Variants in DPP10 observed in about 807,000 individuals in gnomAD.
The protein encoded by DPP10 is inactive dipeptidyl peptidase 10.
Under a neutral mutation model 120.9 loss-of-function variants are expected in DPP10, and 33 were observed. That is an observed-to-expected ratio of 0.27 (90% CI 0.21 to 0.37). The LOEUF (loss-of-function observed/expected upper bound fraction) is 0.37, where lower values mean the gene tolerates loss of function less well. DPP10 is among the 10% of genes least tolerant of loss of function. The pLI is 1.00. For missense variants in DPP10, 816 were observed against 942.8 expected, an observed-to-expected ratio of 0.87 and a Z score of 1.76; for synonymous variants, 337 against 326.1, an observed-to-expected ratio of 1.03 and a Z score of -0.36.
intron 19 of DPP10, among the ~76,000 whole-genome samples, chr2:115,806,780 A>T (rs62156339): frequency 0.081 from 12,241 of 151,868 alleles, 654 homozygotes; most frequent in Non-Finnish European, 0.12. Flanking sequence ...TGTTGTGGAG[A>T]TTGTCACCTG....
chr2:114,921,993 C>G (rs912276410), intron 1 of DPP10, among the ~76,000 whole-genome samples: 4 of 152,176 alleles, frequency 2.6e-5, no homozygotes. Flanking sequence ...ATTATGTCAT[C>G]TATTTTGCAA....
At chr2:115,526,693 A>G (rs1330821866) in intron 5 of DPP10, among the ~76,000 whole-genome samples, 1 of 152,118 alleles carries the variant, frequency 6.6e-6, no homozygotes, top group Non-Finnish European at 1.5e-5. Flanking sequence ...GACGTTTATG[A>G]GCTTTAAGAC....
chr2:115,503,348 G>T (rs563210457), intron 4 of DPP10, among the ~76,000 whole-genome samples: 1 of 152,090 alleles, frequency 6.6e-6, no homozygotes, highest in Admixed American at 6.6e-5. Context: ...TTTATTTGTT[G>T]TGCTGTTGGG....
At chr2:114,896,510 G>T (rs1342255622) in intron 1 of DPP10, among the ~76,000 whole-genome samples, 1 of 151,514 alleles carries the variant, frequency 6.6e-6, no homozygotes, top group Non-Finnish European at 1.5e-5. Flanking sequence ...GTGAATGGGA[G>T]TTCACTCATG....
At chr2:115,282,284 T>TA (rs1257681501) in intron 1 of DPP10, among the ~76,000 whole-genome samples, 3 of 152,120 alleles carry the variant, frequency 2.0e-5, no homozygotes, top group Non-Finnish European at 4.4e-5. Flanking sequence ...ATTTTATAAT[T>TA]AACTATTACA....
intron 1 of DPP10, among the ~76,000 whole-genome samples, chr2:114,531,973 C>A (rs10164733): frequency 0.018 from 2,733 of 151,954 alleles, 32 homozygotes; most frequent in Middle Eastern, 0.065. Flanking sequence ...TAGGCGTCAT[C>A]TAATCCACTG....
intron 3 of DPP10, among the ~76,000 whole-genome samples, chr2:115,437,508 G>A (rs1342941346): frequency 6.6e-6 from 1 of 151,954 alleles, no homozygotes; most frequent in Non-Finnish European, 1.5e-5. Flanking sequence ...AGTTAAGTGT[G>A]TTACTCAATG....
intron 1 of DPP10, among the ~76,000 whole-genome samples, chr2:115,011,611 A>G (rs536614805): frequency 9.9e-5 from 15 of 150,954 alleles, no homozygotes; most frequent in African/African-American, 3.2e-4. Context: ...ATTTTTTTTT[A>G]TTTCTTTAAT....
At chr2:114,614,547 A>T (rs1201651465) in intron 1 of DPP10, among the ~76,000 whole-genome samples, 1 of 152,182 alleles carries the variant, frequency 6.6e-6, no homozygotes, top group Non-Finnish European at 1.5e-5. Flanking sequence ...ACATCTAATT[A>T]ACCTTTAATT....
chr2:115,220,116 T>C (rs1286482096), intron 1 of DPP10, among the ~76,000 whole-genome samples: 4 of 152,182 alleles, frequency 2.6e-5, no homozygotes, highest in Non-Finnish European at 5.9e-5. Context: ...CAGAACCTTT[T>C]ACATGGGGAG....
chr2:114,526,467 G>A (rs115190409), intron 1 of DPP10, among the ~76,000 whole-genome samples: 1,884 of 152,206 alleles, frequency 0.012, 35 homozygotes, highest in African/African-American at 0.043. Context: ...ATCTGGAAAA[G>A]GTATGGTAAT....
At chr2:114,790,795 G>A (rs1157682400) in intron 1 of DPP10, among the ~76,000 whole-genome samples, 1 of 152,184 alleles carries the variant, frequency 6.6e-6, no homozygotes. Context: ...GTGGTGGAAT[G>A]TCATCAGTTA....
intron 1 of DPP10, among the ~76,000 whole-genome samples, chr2:114,912,397 C>G (rs72832460): frequency 0.043 from 6,575 of 152,106 alleles, 221 homozygotes; most frequent in African/African-American, 0.087. Context: ...GTGAAGTTTG[C>G]TATGAATAAT....
rs573310991 is a variant in DPP10 at position 115,664,861 on chromosome 2, G to A, written c.442-24826G>A. ...CTAAGCTTTTGCTGTTCAACACATC[G>A]CCACTAGTCACATGTGGCCATTCAT... On this transcript the variant is annotated intron_variant, in intron 5 of 25. Transcript: ENST00000410059. Among the ~76,000 whole-genome samples the A allele has an allele frequency of 3.8e-5, 5 of 130,718 alleles. 1 individual carries two copies. The highest frequency in any genetic ancestry group is 7.5e-5 in the Admixed American group (1 of 13,404). The allele number at this position is 130,718 out of a possible 152,430, so 85.8% of individuals were successfully genotyped here. A position where few individuals can be genotyped will look rare whatever the true frequency, so the allele number is the denominator to read the frequency against.
chr2:114,529,802 G>A (rs558612041), intron 1 of DPP10, among the ~76,000 whole-genome samples: 2 of 152,228 alleles, frequency 1.3e-5, no homozygotes, highest in Admixed American at 1.3e-4. Context: ...ATTAAGCCTA[G>A]TGTCCATTAG....
intron 1 of DPP10, among the ~76,000 whole-genome samples, chr2:114,648,698 T>C (rs532144483): frequency 4.2e-4 from 64 of 152,200 alleles, no homozygotes; most frequent in Non-Finnish European, 7.6e-4. Flanking sequence ...GATCAATAGG[T>C]AGGTATAAGA....
chr2:115,515,890 G>C (rs930629883), intron 4 of DPP10, among the ~76,000 whole-genome samples: 3 of 152,000 alleles, frequency 2.0e-5, no homozygotes, highest in African/African-American at 7.2e-5. Flanking sequence ...AATGAATAAT[G>C]AAAAAATAAA....
chr2:115,837,582 C>G (rs572285123), intron 24 of DPP10, among the ~76,000 whole-genome samples: 72 of 152,152 alleles, frequency 4.7e-4, no homozygotes, highest in African/African-American at 1.5e-3. Context: ...TTCAAGGGTA[C>G]TATATGGAAA....
intron 3 of DPP10, among the ~76,000 whole-genome samples, chr2:115,495,311 T>A (rs1466160650): frequency 7.0e-6 from 1 of 143,494 alleles, no homozygotes; most frequent in Non-Finnish European, 1.5e-5. Flanking sequence ...ATTGAGCCAT[T>A]TACCCAGTTT....
Sources: gnomAD v4.1 joint callset for allele counts (sites outside exome capture counted in the v4.1 genomes callset) on GRCh38, gnomAD v4.1.1 for gene constraint, MANE v1.5 for transcripts, NCBI Gene and HGNC (gene_info 2026-07-23, HGNC 2026-07-21) for gene names.